Variants in SRCIN1 observed in about 807,000 individuals in gnomAD.
SRCIN1 encodes the protein SRC kinase signaling inhibitor 1, also known as P130Cas-associated protein.
A neutral mutation model predicts 116.2 loss-of-function variants in SRCIN1; 50 were observed. That is an observed-to-expected ratio of 0.43 (90% confidence interval 0.34 to 0.54). SRCIN1 has a LOEUF of 0.54. Ranked by LOEUF, SRCIN1 falls within the 20% of genes least tolerant of loss-of-function variation. The probability of loss-of-function intolerance (pLI) is 0.02; values close to 1 mark genes in which losing one functional copy is unlikely to be tolerated. For missense variants in SRCIN1, 1,446 were observed against 1,672.0 expected (o/e 0.86, Z 2.36); for synonymous variants, 736 against 750.0 (o/e 0.98, Z 0.30).
At chr17:38,545,841 T>A (rs1463105438) in intron 17 of SRCIN1, among the ~76,000 whole-genome samples, 4 of 152,192 alleles carry the variant, frequency 2.6e-5, no homozygotes, top group Non-Finnish European at 5.9e-5. Flanking sequence ...CTGGGCATGT[T>A]GTGAGTGCTT....
rs1343509534 is a variant in SRCIN1 at position 38,578,770 on chromosome 17, G to A, written c.44C>T (p.Pro15Leu). The change falls in exon 2 of 19, where the codon CCC (proline) becomes CTC (leucine). Residue 15 changes from proline (P) to leucine (L), a missense_variant. Coordinates refer to ENST00000617146, the MANE Select transcript of SRCIN1 (RefSeq NM_025248.3). ...PSQDPERSSP[P>L]MLSADDAEYP... is the part of the protein sequence containing the mutation. ...CTCCGCATCGTCCGCAGACAGCATGGGGGGGCTGCTCCGCTCCGGATCTGC... is the reference window on the plus strand; with the variant it reads ...CTCCGCATCGTCCGCAGACAGCATGAGGGGGCTGCTCCGCTCCGGATCTGC... 2.6e-5 allele frequency: 40 copies of A among 1,513,772 alleles called. No homozygotes were observed. Among genetic ancestry groups the A allele is most frequent in the Admixed American group, 2.0e-5 (1 of 50,016 alleles). 93.8% of individuals were successfully genotyped at this position (1,513,772 alleles called of 1,614,324 possible).
At chr17:38,538,918 GC>G (rs148811313) in intron 18 of SRCIN1, among the ~76,000 whole-genome samples, 4,187 of 152,158 alleles carry the variant, frequency 0.028, 198 homozygotes, top group African/African-American at 0.095. Context: ...CGGATAACAG[GC>G]CCCACAGCAC....
At chr17:38,537,646 C>T (rs1054407233) in intron 18 of SRCIN1, among the ~76,000 whole-genome samples, 2 of 151,718 alleles carry the variant, frequency 1.3e-5, no homozygotes, top group Non-Finnish European at 2.9e-5. Flanking sequence ...GAAAAATGAG[C>T]CAGGCGTGGT....
intron 16 of SRCIN1, 75 bp from the exon 17 acceptor site, chr17:38,548,784 GCCCATGTAC>G: frequency 6.9e-7 from 1 of 1,454,282 alleles, no homozygotes; most frequent in Non-Finnish European, 9.0e-7. Context: ...AGGCCCCATC[GCCCATGTAC>G]CCCAGCTTCT....
chr17:38,604,793 G>A lies in SRCIN1; in HGVS notation c.22+891C>T, dbSNP rs1909266371. On this transcript the variant is annotated intron_variant, in intron 1 of 18. Transcript: ENST00000617146. This position sits in a 1 kb window ranked among gnomAD's most constrained non-coding sequence, Gnocchi z 4.3. ...GGGGGGTGCGTGGGAGGGGAGGGGG[G>A]GCCACGGTGCGTCCCCTTCCCAGCC... is the stretch of plus-strand genomic sequence containing the variant. Among the ~76,000 whole-genome samples the A allele has an allele frequency of 6.6e-6, 1 of 152,004 alleles. No homozygotes were observed. The highest frequency in any genetic ancestry group is 1.5e-5 in the Non-Finnish European group (1 of 67,930).
chr17:38,586,499 G>A (rs1373975068), intron 1 of SRCIN1, among the ~76,000 whole-genome samples: 1 of 152,244 alleles, frequency 6.6e-6, no homozygotes, highest in Non-Finnish European at 1.5e-5. Context: ...GGCTCAGGGA[G>A]GTCGAGTGAT....
At chr17:38,588,087 A>C (rs374529889) in intron 1 of SRCIN1, among the ~76,000 whole-genome samples, 9 of 151,034 alleles carry the variant, frequency 6.0e-5, no homozygotes, top group Admixed American at 2.6e-4. Context: ...GAAGAAGAAG[A>C]AGCAGAAGCT....
intron 2 of SRCIN1, among the ~76,000 whole-genome samples, chr17:38,575,506 T>C (rs8068126): frequency 0.24 from 36,015 of 152,104 alleles, 7,227 homozygotes; most frequent in African/African-American, 0.55. Flanking sequence ...GCTTCAACCT[T>C]CCAAAGTGCT....
rs1025941999 is a variant in SRCIN1 at position 38,552,379 on chromosome 17, A to G, written c.2480+68T>C. ...TTTGGGGGAGTTGGGGTAAGGGTTC[A>G]GTATGACCTATGGGTCTGGGCCCGG... is the stretch of plus-strand genomic sequence containing the variant. On this transcript the variant is annotated intron_variant, in intron 13 of 18. Transcript: ENST00000617146. This position sits in a 1 kb window ranked among gnomAD's most constrained non-coding sequence, Gnocchi z 5.3. 2.0e-6 allele frequency: 3 copies of G among 1,526,938 alleles called. No individual in the cohort carries two copies. Among genetic ancestry groups the G allele is most frequent in the Non-Finnish European group, 2.6e-6 (3 of 1,139,230 alleles). 94.6% of individuals were successfully genotyped at this position (1,526,938 alleles called of 1,614,324 possible). A position where few individuals can be genotyped will look rare whatever the true frequency, so the allele number is the denominator to read the frequency against.
At position 38,533,184 on chromosome 17, in the gene SRCIN1, A is replaced by G. The variant is rs888119258; in HGVS notation, c.*113T>C. On this transcript the variant is annotated 3_prime_UTR_variant, in exon 19 of 19. Coordinates refer to ENST00000617146, the MANE Select transcript of SRCIN1 (RefSeq NM_025248.3). ...GGCCGCACCCTCCTCTTCAGGGCAC[A>G]CCCCTCAGGGCGTCTGGAGAGTAGG... 1.1e-5 allele frequency: 15 copies of G among 1,354,742 alleles called. No individual in the cohort carries two copies. The African/African-American group carries it at 1.7e-4, about 15-fold the overall frequency. The allele number at this position is 1,354,742 out of a possible 1,614,324, so 83.9% of individuals were successfully genotyped here.
chr17:38,600,651 G>C (rs1908967226), intron 1 of SRCIN1, among the ~76,000 whole-genome samples: 1 of 152,232 alleles, frequency 6.6e-6, no homozygotes, highest in African/African-American at 2.4e-5. Context: ...CCGGCAGAGG[G>C]CTAGCAGGCC....
chr17:38,594,851 G>A (rs924837509), intron 1 of SRCIN1, among the ~76,000 whole-genome samples: 13 of 152,046 alleles, frequency 8.6e-5, no homozygotes, highest in Non-Finnish European at 1.8e-4. Context: ...GGCTTCCCCT[G>A]CCCATACACC....
intron 11 of SRCIN1, among the ~76,000 whole-genome samples, chr17:38,553,413 C>T (rs950193480): frequency 6.6e-5 from 10 of 152,204 alleles, no homozygotes; most frequent in Admixed American, 5.2e-4. Context: ...CAATATCTGC[C>T]CGAGTATCTC....
At chr17:38,596,926 CTCCACCTCCCTCATGCTGCAATACCTAT>C (rs1315749361) in intron 1 of SRCIN1, among the ~76,000 whole-genome samples, 5 of 152,186 alleles carry the variant, frequency 3.3e-5, no homozygotes, top group African/African-American at 1.2e-4. Flanking sequence ...TCTAAACCTA[CTCCACCTCCCTCATGCTGCAATACCTAT>C]TAGCCTTTTA....
intron 18 of SRCIN1, chr17:38,542,224 C>G (rs1467446250): frequency 6.5e-6 from 1 of 153,236 alleles, no homozygotes; most frequent in African/African-American, 2.4e-5. Context: ...GAGGGAGGGA[C>G]TAGGGTGGGA....
rs1228007128 is a variant in SRCIN1, at chr17:38,563,111, G to T, written c.741-191C>A. Among the ~76,000 whole-genome samples, 1 of 152,200 alleles carries T rather than the reference G, an allele frequency of 6.6e-6. No individual in the cohort carries two copies. Among genetic ancestry groups the T allele is most frequent in the East Asian group, 1.9e-4 (1 of 5,184 alleles). On this transcript the variant is annotated intron_variant, in intron 5 of 18. Coordinates refer to ENST00000617146, the MANE Select transcript of SRCIN1 (RefSeq NM_025248.3). The surrounding 1 kb of genome is among the most constrained non-coding windows in gnomAD (Gnocchi z 5.8). The stretch of plus-strand genomic sequence containing the variant: ...GGCCTCCGGCGCCATTTTCAGGTTA[G>T]CTCAAAGCAAAGGGAACCAGCAGGG...
rs747587838 is a variant in SRCIN1, at chr17:38,549,048, A to T, written c.3117+8T>A. 6 of 1,611,976 alleles carry T rather than the reference A, an allele frequency of 3.7e-6. No homozygotes were observed. The Middle Eastern group carries it at 5.0e-4, about 134-fold the overall frequency. ...CCCCTGGCCCTCTGTCTGAGGTGGG[A>T]GTGGTACCTTGATGAAGGCCGAGTC... On this transcript the variant is annotated splice_region_variant and intron_variant, in intron 16 of 18. Coordinates refer to ENST00000617146, the MANE Select transcript of SRCIN1 (RefSeq NM_025248.3).
intron 1 of SRCIN1, among the ~76,000 whole-genome samples, chr17:38,586,365 T>TA (rs1289745410): frequency 6.6e-5 from 10 of 151,912 alleles, no homozygotes; most frequent in Non-Finnish European, 1.2e-4. Flanking sequence ...AGGTGTCAGG[T>TA]GGTTCTTGGC....
At position 38,602,133 on chromosome 17, in the gene SRCIN1, C is replaced by T. The variant is rs2143472917; in HGVS notation, c.22+3551G>A. The T allele has an allele frequency of 6.6e-6, 1 of 152,358 alleles. No homozygotes were observed. The highest frequency in any genetic ancestry group is 2.4e-5 in the African/African-American group (1 of 41,476). The allele number at this position is 152,358 out of a possible 1,614,324, so 9.4% of individuals were successfully genotyped here. A position where few individuals can be genotyped will look rare whatever the true frequency, so the allele number is the denominator to read the frequency against. ...CTTGGCAGGAGTTGGGGACCATGCC[C>T]CTGCCCCTCTGCCCACCTCCCCCAG... On this transcript the variant is annotated intron_variant, in intron 1 of 18. Transcript: ENST00000617146. This position sits in a 1 kb window ranked among gnomAD's most constrained non-coding sequence, Gnocchi z 4.2.
Sources: gnomAD v4.1 joint callset for allele counts (sites outside exome capture counted in the v4.1 genomes callset) on GRCh38, gnomAD v4.1.1 for gene constraint, Gnocchi (gnomAD v3.1) non-coding constraint, MANE v1.5 for transcripts, NCBI Gene and HGNC (gene_info 2026-07-23, HGNC 2026-07-21) for gene names.